SCFD2: variants seen among roughly 807,000 people sequenced by gnomAD.
The protein encoded by SCFD2 is sec1 family domain containing 2.
In SCFD2, 54 loss-of-function variants were observed where a neutral mutation model predicts 58.9. That is an observed-to-expected ratio of 0.92 (90% CI 0.74 to 1.15). The LOEUF (loss-of-function observed/expected upper bound fraction) is 1.15. Among genes scored for constraint, SCFD2 ranks in the 50% most tolerant of loss-of-function variants. SCFD2 has a pLI of 0.00. For synonymous variants in SCFD2, 321 were observed against 335.9 expected (o/e 0.96, Z 0.49); for missense variants, 805 against 836.6 (o/e 0.96, Z 0.47).
chr4:53,183,113 A>T (rs1423449461), intron 4 of SCFD2, among the ~76,000 whole-genome samples: 2 of 152,206 alleles, frequency 1.3e-5, no homozygotes, highest in African/African-American at 2.4e-5. Flanking sequence ...AGGGATCTAG[A>T]ACTAGAAATA....
rs575863971 is a variant in SCFD2 at position 53,216,840 on chromosome 4, T to C, written c.1311+56986A>G. Among the ~76,000 whole-genome samples the C allele has an allele frequency of 2.7e-3, 412 of 152,348 alleles. 1 individual carries two copies. The highest frequency in any genetic ancestry group is 9.5e-3 in the African/African-American group (394 of 41,584). On this transcript the variant is annotated intron_variant, in intron 4 of 8. Coordinates refer to ENST00000401642, the MANE Select transcript of SCFD2 (RefSeq NM_152540.4). ...TGAATGTGTCCCAGAGATTCTGGTATGTTGTGTCTTTGTTCTCATTGGTTT... is the reference window on the plus strand; with the variant it reads ...TGAATGTGTCCCAGAGATTCTGGTACGTTGTGTCTTTGTTCTCATTGGTTT...
rs1732760098 is a variant in SCFD2, at chr4:53,313,660, T to A, written c.1111A>T (p.Asn371Tyr). The change falls in exon 3 of 9, where the codon AAC becomes TAC. Residue 371 changes from asparagine to tyrosine, a missense_variant. Transcript: ENST00000401642. ...RHLVEAASRE[N>Y]LPIKMSMGRV... ...CCCATACTCATCTTGATTGGCAGGTTTTCTCTGCTTGCCGCTTCCACTAGA... is the reference window on the plus strand; with the variant it reads ...CCCATACTCATCTTGATTGGCAGGTATTCTCTGCTTGCCGCTTCCACTAGA... 6.2e-7 allele frequency: 1 copy of A among 1,614,010 alleles called. No individual in the cohort carries two copies. Among genetic ancestry groups the A allele is most frequent in the Non-Finnish European group, 8.5e-7 (1 of 1,179,922 alleles).
chr4:53,074,614 C>G (rs1460779231), intron 5 of SCFD2, among the ~76,000 whole-genome samples: 1 of 152,166 alleles, frequency 6.6e-6, no homozygotes, highest in East Asian at 1.9e-4. Context: ...CCATGAGCGA[C>G]AGAATGGATG....
intron 8 of SCFD2, among the ~76,000 whole-genome samples, chr4:52,883,549 T>C (rs1220513056): frequency 6.6e-6 from 1 of 152,150 alleles, no homozygotes; most frequent in African/African-American, 2.4e-5. Context: ...CACTGTAGAT[T>C]CCGGGGCTCT....
chr4:53,292,111 G>A (rs1438297166), intron 3 of SCFD2, among the ~76,000 whole-genome samples: 1 of 151,818 alleles, frequency 6.6e-6, no homozygotes, highest in East Asian at 1.9e-4. Flanking sequence ...AGAAAATCTA[G>A]GCAATACCAT....
rs757658747 is a variant in SCFD2, at chr4:53,258,577, T to TATATATATATAC, written c.1311+15248_1311+15249insGTATATATATAT. ...ATATATATATATATATATATATATA[T>TATATATATATAC]ACACACACATATATACATAACACAT... On this transcript the variant is annotated intron_variant, in intron 4 of 8. Transcript: ENST00000401642. Among the ~76,000 whole-genome samples the TATATATATATAC allele has an allele frequency of 1.9e-3, 224 of 121,080 alleles. 1 individual carries two copies. The highest frequency in any genetic ancestry group is 3.5e-3 in the African/African-American group (110 of 31,420). The allele number at this position is 121,080 out of a possible 152,430, so 79.4% of individuals were successfully genotyped here. A position where few individuals can be genotyped will look rare whatever the true frequency, so the allele number is the denominator to read the frequency against.
intron 4 of SCFD2, among the ~76,000 whole-genome samples, chr4:53,201,253 C>T (rs1173202221): frequency 1.3e-5 from 2 of 151,762 alleles, no homozygotes; most frequent in Non-Finnish European, 2.9e-5. Flanking sequence ...CAATTCCCAC[C>T]TATGAGTGAG....
intron 5 of SCFD2, among the ~76,000 whole-genome samples, chr4:53,134,816 TGTCA>T (rs1315968466): frequency 1.1e-4 from 16 of 152,206 alleles, no homozygotes; most frequent in African/African-American, 3.9e-4. Flanking sequence ...GAAGGCCCAG[TGTCA>T]GTCAGTTCCT....
chr4:53,332,861 C>T (rs1258157304), intron 2 of SCFD2, among the ~76,000 whole-genome samples: 2 of 150,552 alleles, frequency 1.3e-5, no homozygotes, highest in Non-Finnish European at 3.0e-5. Flanking sequence ...ATTGTCTCAG[C>T]CCAAAATCTC....
intron 8 of SCFD2, among the ~76,000 whole-genome samples, chr4:52,875,429 C>T (rs1718447632): frequency 7.5e-6 from 1 of 133,256 alleles, no homozygotes; most frequent in African/African-American, 3.0e-5. Flanking sequence ...GAAAAGCTGT[C>T]CTAGAGCCTG....
chr4:52,979,058 C>CT (rs1017888889), intron 5 of SCFD2, among the ~76,000 whole-genome samples: 30 of 127,920 alleles, frequency 2.3e-4, no homozygotes, highest in African/African-American at 6.2e-4. Flanking sequence ...CACACCAGGC[C>CT]TTTTTTTGGG....
At chr4:53,263,069 A>G (rs1037436077) in intron 4 of SCFD2, among the ~76,000 whole-genome samples, 1 of 151,410 alleles carries the variant, frequency 6.6e-6, no homozygotes, top group African/African-American at 2.4e-5. Context: ...TGCATTTTTC[A>G]TTTCTCTAAG....
intron 3 of SCFD2, among the ~76,000 whole-genome samples, chr4:53,307,475 T>G (rs553916489): frequency 6.6e-6 from 1 of 152,304 alleles, no homozygotes; most frequent in East Asian, 1.9e-4. Flanking sequence ...AGATCCAGCT[T>G]TGTATCCTTG....
intron 4 of SCFD2, among the ~76,000 whole-genome samples, chr4:53,245,743 C>G (rs1297817305): frequency 2.0e-5 from 3 of 152,144 alleles, no homozygotes; most frequent in Non-Finnish European, 4.4e-5. Context: ...CAGCTAACAT[C>G]ATACTGAATG....
At chr4:53,004,904 CTTTAT>C (rs372595829) in intron 5 of SCFD2, among the ~76,000 whole-genome samples, 88 of 152,120 alleles carry the variant, frequency 5.8e-4, no homozygotes, top group African/African-American at 2.1e-3. Context: ...AATTTCTATT[CTTTAT>C]TTTAAGACAG....
intron 7 of SCFD2, among the ~76,000 whole-genome samples, chr4:52,892,685 A>C (rs1309441348): frequency 6.6e-6 from 1 of 152,196 alleles, no homozygotes; most frequent in Non-Finnish European, 1.5e-5. Context: ...GTGTCCTCAC[A>C]TCCCATCCAC....
intron 4 of SCFD2, among the ~76,000 whole-genome samples, chr4:53,174,512 C>T (rs1398577898): frequency 6.6e-6 from 1 of 152,114 alleles, no homozygotes; most frequent in Non-Finnish European, 1.5e-5. Context: ...ACAACAGAAG[C>T]TGAAAATAGT....
At chr4:52,923,988 T>C (rs978411183) in intron 5 of SCFD2, among the ~76,000 whole-genome samples, 4 of 152,224 alleles carry the variant, frequency 2.6e-5, no homozygotes, top group Non-Finnish European at 5.9e-5. Context: ...ATGTACTACT[T>C]TTTCAAATTT....
chr4:53,269,839 A>C (rs1418554870), intron 4 of SCFD2, among the ~76,000 whole-genome samples: 1 of 152,254 alleles, frequency 6.6e-6, no homozygotes, highest in Admixed American at 6.5e-5. Context: ...AGCATGGCCA[A>C]CATGGCGAAA....
Sources: allele counts gnomAD v4.1 joint callset (sites outside exome capture counted in the v4.1 genomes callset), GRCh38; gene constraint gnomAD v4.1.1; transcripts MANE v1.5; gene names NCBI Gene and HGNC (gene_info 2026-07-23, HGNC 2026-07-21).